FANK1: variants seen among roughly 807,000 people sequenced by gnomAD.
The protein encoded by FANK1 is fibronectin type 3 and ankyrin repeat domains protein 1.
A neutral mutation model predicts 45.3 loss-of-function variants in FANK1; 44 were observed. The ratio of observed to expected loss-of-function variants is 0.97; its 90% CI spans 0.76 to 1.25. The LOEUF (loss-of-function observed/expected upper bound fraction) is 1.25. FANK1 is among the 50% of genes most tolerant of loss of function. The pLI, the probability that FANK1 is intolerant of heterozygous loss-of-function variation, is 0.00. For synonymous variants in FANK1, 149 were observed against 152.5 expected (o/e 0.98, Z 0.17); for missense variants, 391 against 424.4 (o/e 0.92, Z 0.69).
intron 1 of FANK1, among the ~76,000 whole-genome samples, chr10:125,901,943 A>T (rs1277324307): frequency 6.6e-6 from 1 of 152,198 alleles, no homozygotes; most frequent in Non-Finnish European, 1.5e-5. Context: ...CAACTGGCGA[A>T]ACCCCGTCTC....
At chr10:125,901,357 C>T (rs1276074668) in intron 1 of FANK1, among the ~76,000 whole-genome samples, 58 of 152,184 alleles carry the variant, frequency 3.8e-4, no homozygotes, top group Admixed American at 1.2e-3. Context: ...CCTCTTCCTC[C>T]GTACTCCAAG....
Position 125,934,722 on chromosome 10 carries a change from CCGTTTT to C in FANK1, c.13+38068_13+38073del, listed in dbSNP as rs1564888121. 3.4e-4 allele frequency among the ~76,000 whole-genome samples: 42 copies of C among 122,976 alleles called. 2 individuals are homozygous for C. Among genetic ancestry groups the C allele is most frequent in the African/African-American group, 1.3e-3 (40 of 31,474 alleles). 80.7% of individuals were successfully genotyped at this position (122,976 alleles called of 152,430 possible). A position where few individuals can be genotyped will look rare whatever the true frequency, so the allele number is the denominator to read the frequency against. ...TCAGTTCCCACCACCTGTACCCCTA[CCGTTTT>C]TTTTTTTTTTTTTTTTTTTTTTTTT... On this transcript the variant is annotated intron_variant, in intron 1 of 10. Coordinates refer to ENST00000368693, the MANE Select transcript of FANK1 (RefSeq NM_145235.5).
At chr10:125,905,159 AC>A (rs112307225) in intron 1 of FANK1, among the ~76,000 whole-genome samples, 2 of 126,344 alleles carry the variant, frequency 1.6e-5, no homozygotes, top group Non-Finnish European at 3.7e-5. Context: ...AACAAAAAAA[AC>A]GTTTCTGTAG....
chr10:126,005,315 T>TC (rs1329861109), intron 7 of FANK1, among the ~76,000 whole-genome samples: 4 of 150,150 alleles, frequency 2.7e-5, no homozygotes, highest in Admixed American at 6.6e-5. Context: ...TTCTTTTTTT[T>TC]TTTTTTTTTT....
At chr10:125,917,829 TC>T (rs1946567056) in intron 1 of FANK1, among the ~76,000 whole-genome samples, 1 of 152,312 alleles carries the variant, frequency 6.6e-6, no homozygotes, top group East Asian at 1.9e-4. Context: ...ATTCCTGTAA[TC>T]CCAACATCTT....
intron 1 of FANK1, chr10:125,907,363 A>G (rs1945610814): frequency 5.4e-6 from 2 of 371,070 alleles, no homozygotes; most frequent in South Asian, 1.1e-4. Context: ...AACAACAACA[A>G]GTATTTATTA....
At chr10:125,932,936 G>A (rs1947845244) in intron 1 of FANK1, among the ~76,000 whole-genome samples, 1 of 152,140 alleles carries the variant, frequency 6.6e-6, no homozygotes, top group Non-Finnish European at 1.5e-5. Flanking sequence ...TTTGTCGAAT[G>A]CATTTTCTGC....
intron 1 of FANK1, among the ~76,000 whole-genome samples, chr10:125,928,261 CTTTTT>C (rs34889746): frequency 1.5e-5 from 2 of 137,698 alleles, no homozygotes; most frequent in South Asian, 2.2e-4. Flanking sequence ...TTATTCGTGC[CTTTTT>C]TTTTTTTTTT....
chr10:125,988,787 C>T, intron 3 of FANK1, 112 bp downstream of exon 3: 1 of 1,529,096 alleles, frequency 6.5e-7, no homozygotes, highest in Non-Finnish European at 9.1e-7. Flanking sequence ...AGAAATGATA[C>T]AATTTTTAAA....
chr10:125,933,148 G>C (rs774119763), intron 1 of FANK1, among the ~76,000 whole-genome samples: 1 of 152,078 alleles, frequency 6.6e-6, no homozygotes, highest in Admixed American at 6.6e-5. Context: ...CAAGGATATC[G>C]GTCTGTAGTT....
At chr10:125,995,331 C>A in intron 3 of FANK1, 86 bp from the exon 4 acceptor site, 1 of 1,207,290 alleles carries the variant, frequency 8.3e-7, no homozygotes, top group Non-Finnish European at 1.2e-6. Flanking sequence ...TGAAGATGAT[C>A]CCCTGAAGGC....
chr10:125,930,335 A>T (rs959908315), intron 1 of FANK1, among the ~76,000 whole-genome samples: 36 of 150,440 alleles, frequency 2.4e-4, no homozygotes, highest in African/African-American at 7.6e-4. Context: ...CGCCTGGCCT[A>T]AAATGACCAT....
In FANK1 at chr10:125,988,382, G is replaced by A. The variant is rs377644208; in HGVS notation, c.192-169G>A. Among the ~76,000 whole-genome samples, 294 of 152,288 alleles carry A rather than the reference G, an allele frequency of 1.9e-3. 1 individual carries two copies. The highest frequency in any genetic ancestry group is 6.5e-3 in the African/African-American group (271 of 41,550). On this transcript the variant is annotated intron_variant, in intron 2 of 10. Coordinates refer to ENST00000368693, the MANE Select transcript of FANK1 (RefSeq NM_145235.5). ...TGCACCTGCTGGATAGGGATGGGGC[G>A]CCATGTGGGACTTGTCCTTCATTCT...
At chr10:126,007,328 C>G (rs1333074007) in intron 7 of FANK1, 2 of 152,196 alleles carry the variant, frequency 1.3e-5, no homozygotes, top group East Asian at 3.8e-4. Context: ...ATACCTACCT[C>G]TGATTAACGT....
intron 1 of FANK1, among the ~76,000 whole-genome samples, chr10:125,924,806 C>CAAA (rs58856642): frequency 1.7e-3 from 119 of 69,396 alleles, no homozygotes; most frequent in African/African-American, 2.9e-3. Flanking sequence ...GACCCCATCT[C>CAAA]AAAAAAAAAA....
At chr10:125,907,445 T>C (rs1438850873) in intron 1 of FANK1, 2 of 980,578 alleles carry the variant, frequency 2.0e-6, no homozygotes, top group African/African-American at 1.7e-5. Context: ...GTATGATCTC[T>C]TCCTTTTTTA....
intron 1 of FANK1, among the ~76,000 whole-genome samples, chr10:125,924,448 T>TTTACCACGTTGGGCAGGATGGTCTC (rs1429878157): frequency 6.6e-6 from 1 of 151,682 alleles, no homozygotes; most frequent in African/African-American, 2.4e-5. Flanking sequence ...GAGATGGGGT[T>TTTACCACGTTGGGCAGGATGGTCTC]TTACCACGTT....
intron 1 of FANK1, among the ~76,000 whole-genome samples, chr10:125,935,729 ATATCT>A (rs1948053129): frequency 1.3e-5 from 2 of 152,194 alleles, no homozygotes; most frequent in African/African-American, 4.8e-5. Flanking sequence ...TATTTCTATA[ATATCT>A]TCTCCTATAT....
intron 1 of FANK1, among the ~76,000 whole-genome samples, chr10:125,930,377 C>T (rs796451060): frequency 1.4e-4 from 22 of 152,118 alleles, no homozygotes; most frequent in African/African-American, 5.3e-4. Context: ...TGCTGTGTCA[C>T]CCCAGCTGGA....
Sources: allele counts gnomAD v4.1 joint callset (sites outside exome capture counted in the v4.1 genomes callset), GRCh38; gene constraint gnomAD v4.1.1; transcripts MANE v1.5; gene names NCBI Gene and HGNC (gene_info 2026-07-23, HGNC 2026-07-21).